Variants in CAMK4 observed in about 807,000 individuals in gnomAD.
CAMK4 encodes the protein calcium/calmodulin-dependent protein kinase type IV.
A neutral mutation model predicts 44.9 loss-of-function variants in CAMK4; 22 were observed. The observed-to-expected ratio is 0.49, with a 90% confidence interval of 0.35 to 0.70. CAMK4 has a LOEUF of 0.70. CAMK4 is among the 30% of genes least tolerant of loss of function. The pLI, the probability that CAMK4 is intolerant of heterozygous loss-of-function variation, is 0.01. For missense variants in CAMK4, 498 were observed against 586.8 expected (o/e 0.85, Z 1.56); for synonymous variants, 218 against 215.4 (o/e 1.01, Z -0.11).
chr5:111,392,843 C>T (rs902355812), intron 4 of CAMK4, among the ~76,000 whole-genome samples: 4 of 152,026 alleles, frequency 2.6e-5, no homozygotes, highest in Non-Finnish European at 5.9e-5. Flanking sequence ...CAAAATAAGT[C>T]TCAGGTATTA....
intron 2 of CAMK4, among the ~76,000 whole-genome samples, chr5:111,370,098 G>A (rs1433910246): frequency 1.3e-5 from 2 of 152,124 alleles, no homozygotes; most frequent in Non-Finnish European, 2.9e-5. Context: ...TTTAAATTGA[G>A]AAATGATGAT....
intron 1 of CAMK4, among the ~76,000 whole-genome samples, chr5:111,275,489 A>G (rs1406561119): frequency 6.6e-6 from 1 of 152,030 alleles, no homozygotes; most frequent in Non-Finnish European, 1.5e-5. Flanking sequence ...TTCCTCTTGT[A>G]TTCATTTTTT....
chr5:111,418,756 T>C (rs1478955527), intron 5 of CAMK4, among the ~76,000 whole-genome samples: 2 of 152,158 alleles, frequency 1.3e-5, no homozygotes, highest in East Asian at 1.9e-4. Context: ...TCCATGTCCC[T>C]ACAAAGGACA....
chr5:111,322,832 G>A (rs1251427338), intron 1 of CAMK4, among the ~76,000 whole-genome samples: 4 of 152,062 alleles, frequency 2.6e-5, no homozygotes, highest in Non-Finnish European at 5.9e-5. Flanking sequence ...GAGCCTAATG[G>A]GAATTTTAGA....
chr5:111,270,186 G>A (rs1296234523), intron 1 of CAMK4: 1 of 152,164 alleles, frequency 6.6e-6, no homozygotes, highest in Non-Finnish European at 1.5e-5. Flanking sequence ...AACACATCTA[G>A]GCAATATTTA....
At chr5:111,443,842 C>T (rs770608011) in intron 5 of CAMK4, among the ~76,000 whole-genome samples, 3 of 152,084 alleles carry the variant, frequency 2.0e-5, no homozygotes, top group South Asian at 2.1e-4. Flanking sequence ...CAATATGTTC[C>T]GTTAGTCCCA....
intron 5 of CAMK4, among the ~76,000 whole-genome samples, chr5:111,425,229 AT>A (rs1200834604): frequency 6.6e-6 from 1 of 151,892 alleles, no homozygotes; most frequent in African/African-American, 2.4e-5. Flanking sequence ...TAGAAGATAT[AT>A]TTAAATCTTT....
intron 2 of CAMK4, among the ~76,000 whole-genome samples, chr5:111,344,403 TA>T (rs1749781360): frequency 2.0e-5 from 2 of 99,056 alleles, no homozygotes; most frequent in East Asian, 5.8e-4. Flanking sequence ...ATTTTATATA[TA>T]TATATATGTA....
chr5:111,336,184 G>T (rs1364932451), intron 1 of CAMK4, among the ~76,000 whole-genome samples: 2 of 151,116 alleles, frequency 1.3e-5, no homozygotes, highest in Non-Finnish European at 3.0e-5. Context: ...GACATGAGCA[G>T]TAAAGCTTTA....
chr5:111,255,207 A>G (rs899802186), intron 1 of CAMK4, among the ~76,000 whole-genome samples: 5 of 152,202 alleles, frequency 3.3e-5, no homozygotes, highest in Non-Finnish European at 5.9e-5. Flanking sequence ...GTTGATGGCC[A>G]TGAAGCCCTG....
At chr5:111,348,313 CCATAGGA>C (rs1749950629) in intron 2 of CAMK4, among the ~76,000 whole-genome samples, 1 of 151,980 alleles carries the variant, frequency 6.6e-6, no homozygotes, top group Admixed American at 6.6e-5. Context: ...GCTGACTTAT[CCATAGGA>C]ATACAGGTTA....
In CAMK4 at chr5:111,463,080, A is replaced by T. The variant is rs187543334; in HGVS notation, c.626-10231A>T. On this transcript the variant is annotated intron_variant, in intron 7 of 10. Coordinates refer to ENST00000282356, the MANE Select transcript of CAMK4 (RefSeq NM_001744.6). ...CTTATTCTGCATTGAAGATTGGAGT[A>T]TGAGGTTTTGTGGGAGCTTGGTATC... Among the ~76,000 whole-genome samples, 1,290 of 152,308 alleles carry T rather than the reference A, an allele frequency of 8.5e-3. 6 individuals are homozygous for T. The highest frequency in any genetic ancestry group is 0.015 in the Non-Finnish European group (1,000 of 68,014).
rs886287871 is a variant in CAMK4, at chr5:111,260,263, C to T, written c.161+35619C>T. On this transcript the variant is annotated intron_variant, in intron 1 of 10. Coordinates refer to ENST00000282356, the MANE Select transcript of CAMK4 (RefSeq NM_001744.6). ...GATCTCCTTACTGTTGAATATTGGC[C>T]AAATTCAACAGAAACATTTTCAGTC... Among the ~76,000 whole-genome samples the T allele has an allele frequency of 2.0e-5, 3 of 152,232 alleles. 1 individual carries two copies. The South Asian group carries it at 6.2e-4, about 32-fold the overall frequency.
At chr5:111,392,401 G>A (rs1307492672) in intron 4 of CAMK4, among the ~76,000 whole-genome samples, 2 of 152,072 alleles carry the variant, frequency 1.3e-5, no homozygotes, top group African/African-American at 4.8e-5. Context: ...CCTCCCCCAT[G>A]ATCCAATCAC....
At position 111,224,817 on chromosome 5, in the gene CAMK4, C is replaced by T. The variant is rs1001795575; in HGVS notation, c.161+173C>T. Among the ~76,000 whole-genome samples the T allele has an allele frequency of 2.6e-5, 4 of 152,086 alleles. 1 individual carries two copies. Among genetic ancestry groups the T allele is most frequent in the Admixed American group, 1.3e-4 (2 of 15,282 alleles). On this transcript the variant is annotated intron_variant, in intron 1 of 10. Coordinates refer to ENST00000282356, the MANE Select transcript of CAMK4 (RefSeq NM_001744.6). This position sits in a 1 kb window ranked among gnomAD's most constrained non-coding sequence, Gnocchi z 5.7. Reference sequence around the variant, plus strand: ...CATTCAGGTGCGGCTCGAGTCCTTCCCACCCCACCAGAGCGCCTAGGCCGG... The same window carrying T: ...CATTCAGGTGCGGCTCGAGTCCTTCTCACCCCACCAGAGCGCCTAGGCCGG...
At chr5:111,271,025 A>G (rs1335103129) in intron 1 of CAMK4, among the ~76,000 whole-genome samples, 1 of 152,184 alleles carries the variant, frequency 6.6e-6, no homozygotes, top group Non-Finnish European at 1.5e-5. Context: ...AGACACTCAT[A>G]AAACCATCAG....
chr5:111,294,095 A>G (rs1747389911), intron 1 of CAMK4, among the ~76,000 whole-genome samples: 1 of 152,172 alleles, frequency 6.6e-6, no homozygotes, highest in South Asian at 2.1e-4. Context: ...AAAGTTTGTC[A>G]TTGGTTTGTA....
intron 8 of CAMK4, among the ~76,000 whole-genome samples, chr5:111,474,336 C>T (rs1046304117): frequency 6.6e-6 from 1 of 152,200 alleles, no homozygotes; most frequent in Non-Finnish European, 1.5e-5. Flanking sequence ...AAGTCCAAGA[C>T]CAGAGTGTCA....
intron 2 of CAMK4, among the ~76,000 whole-genome samples, chr5:111,355,662 C>T (rs1445047644): frequency 3.2e-5 from 4 of 124,754 alleles, no homozygotes; most frequent in African/African-American, 9.1e-5. Context: ...CTCCCCACAC[C>T]CCACAACAGT....
Sources: gnomAD v4.1 joint callset for allele counts (sites outside exome capture counted in the v4.1 genomes callset) on GRCh38, gnomAD v4.1.1 for gene constraint, Gnocchi (gnomAD v3.1) non-coding constraint, MANE v1.5 for transcripts, NCBI Gene and HGNC (gene_info 2026-07-23, HGNC 2026-07-21) for gene names.